The following ATXN2 variants were observed in gnomAD, a reference collection of about 807,000 sequenced individuals.
ATXN2 encodes ataxin-2.
In ATXN2, 37 loss-of-function variants were observed where a neutral mutation model predicts 138.6. The observed-to-expected ratio is 0.27, with a 90% CI of 0.21 to 0.35. The LOEUF (loss-of-function observed/expected upper bound fraction) is 0.35, where lower values mean the gene tolerates loss of function less well. Ranked by LOEUF, ATXN2 falls within the 10% of genes least tolerant of loss-of-function variation. The probability of loss-of-function intolerance (pLI) is 1.00; values close to 1 mark genes in which losing one functional copy is unlikely to be tolerated. For missense variants in ATXN2, 1,216 were observed against 1,480.3 expected, an observed-to-expected ratio of 0.82 and a Z score of 2.93; for synonymous variants, 549 against 543.7, an observed-to-expected ratio of 1.01 and a Z score of -0.13.
At chr12:111,583,751 A>C (rs1025142205) in intron 1 of ATXN2, among the ~76,000 whole-genome samples, 2 of 122,960 alleles carry the variant, frequency 1.6e-5, no homozygotes, top group East Asian at 5.4e-4. Flanking sequence ...TGGGCAACAC[A>C]GCAAGACTCC....
intron 1 of ATXN2, among the ~76,000 whole-genome samples, chr12:111,589,081 G>A (rs12813350): frequency 4.2e-5 from 6 of 143,806 alleles, no homozygotes; most frequent in African/African-American, 1.3e-4. Context: ...TTGGGAGGAC[G>A]AGGCGGGTGG....
chr12:111,566,251 G>A (rs997028697), intron 1 of ATXN2, among the ~76,000 whole-genome samples: 1 of 151,866 alleles, frequency 6.6e-6, no homozygotes, highest in Non-Finnish European at 1.5e-5. Flanking sequence ...TGACCAACAT[G>A]GAGAAACCCC....
intron 1 of ATXN2, among the ~76,000 whole-genome samples, chr12:111,566,771 G>A (rs914153199): frequency 6.6e-6 from 1 of 151,856 alleles, no homozygotes; most frequent in Non-Finnish European, 1.5e-5. Context: ...CAAGTAGCTG[G>A]GATTATAGGC....
chr12:111,484,550 AG>A (rs1270286109), intron 18 of ATXN2, among the ~76,000 whole-genome samples: 4 of 152,058 alleles, frequency 2.6e-5, no homozygotes, highest in Non-Finnish European at 5.9e-5. Flanking sequence ...CTCCTGCCTC[AG>A]CCCCACCTAG....
chr12:111,563,033 G>A (rs1013835410), intron 1 of ATXN2, among the ~76,000 whole-genome samples: 4 of 152,150 alleles, frequency 2.6e-5, no homozygotes, highest in Admixed American at 2.6e-4. Flanking sequence ...ATCATGCAAT[G>A]AGAAAAACAC....
At chr12:111,554,248 G>T in intron 2 of ATXN2, 31 bp from the exon 3 acceptor site, 2 of 1,252,822 alleles carry the variant, frequency 1.6e-6, no homozygotes, top group South Asian at 1.5e-5. Flanking sequence ...AAAACTATTA[G>T]AAATTAGTAC....
intron 1 of ATXN2, among the ~76,000 whole-genome samples, chr12:111,571,464 T>C (rs16941580): frequency 0.022 from 3,418 of 152,026 alleles, 59 homozygotes; most frequent in South Asian, 0.072. Context: ...CATGGAAAAT[T>C]TGGGCTAGAT....
At chr12:111,565,578 C>T (rs1162633542) in intron 1 of ATXN2, among the ~76,000 whole-genome samples, 4 of 152,204 alleles carry the variant, frequency 2.6e-5, no homozygotes, top group South Asian at 4.1e-4. Flanking sequence ...GCACCACAAA[C>T]GGTCCATATA....
chr12:111,586,780 C>A (rs903323987), intron 1 of ATXN2, among the ~76,000 whole-genome samples: 1 of 152,036 alleles, frequency 6.6e-6, no homozygotes, highest in Non-Finnish European at 1.5e-5. Context: ...CTTGGCCTCC[C>A]AAAGTGCTGG....
intron 18 of ATXN2, among the ~76,000 whole-genome samples, chr12:111,473,899 T>A (rs760760621): frequency 6.6e-6 from 1 of 151,786 alleles, no homozygotes; most frequent in Non-Finnish European, 1.5e-5. Flanking sequence ...GGGAAAAAAA[T>A]ACAAGACAAG....
intron 14 of ATXN2, among the ~76,000 whole-genome samples, chr12:111,504,929 A>C (rs1352446240): frequency 6.6e-6 from 1 of 152,228 alleles, no homozygotes; most frequent in African/African-American, 2.4e-5. Context: ...ATCTTGCACA[A>C]GAAAGAATTC....
At chr12:111,515,993 T>C (rs774407652) in intron 10 of ATXN2, among the ~76,000 whole-genome samples, 161 bp downstream of exon 10, 3 of 152,180 alleles carry the variant, frequency 2.0e-5, no homozygotes, top group Non-Finnish European at 4.4e-5. Flanking sequence ...AATTTCTCTC[T>C]AATGAACAAA....
At chr12:111,454,939 T>C (rs1593089524) in intron 23 of ATXN2, 2 of 669,386 alleles carry the variant, frequency 3.0e-6, no homozygotes, top group South Asian at 1.5e-5. Context: ...CCGGCTTCCC[T>C]CCCCACTATC....
Position 111,516,045 on chromosome 12 carries a change from A to G in ATXN2, c.1375+109T>C. On this transcript the variant is annotated intron_variant, in intron 10 of 24. Coordinates refer to ENST00000673436, the MANE Select transcript of ATXN2 (RefSeq NM_001372574.1). The surrounding 1 kb of genome is among the most constrained non-coding windows in gnomAD (Gnocchi z 5.0). ...TTTTAATAAACTAAAGTTAAAACAC[A>G]GAAATTATAGGTTATTAAATAATGA... 9.4e-7 allele frequency: 1 copy of G among 1,061,022 alleles called. No individual in the cohort carries two copies. The highest frequency in any genetic ancestry group is 1.3e-6 in the Non-Finnish European group (1 of 764,268). 65.7% of individuals were successfully genotyped at this position (1,061,022 alleles called of 1,614,324 possible).
intron 1 of ATXN2, among the ~76,000 whole-genome samples, chr12:111,589,863 G>A (rs781061062): frequency 9.2e-5 from 14 of 151,898 alleles, no homozygotes; most frequent in Admixed American, 2.0e-4. Context: ...AGGTTGCAAT[G>A]AGCCATGATG....
chr12:111,564,911 T>C (rs987080670), intron 1 of ATXN2: 2 of 152,176 alleles, frequency 1.3e-5, no homozygotes, highest in African/African-American at 4.8e-5. Flanking sequence ...TTTGTAGAGA[T>C]GGGGTCGCAC....
chr12:111,555,739 T>C (rs1455766708), intron 2 of ATXN2, 144 bp downstream of exon 2: 5 of 637,478 alleles, frequency 7.8e-6, no homozygotes, highest in Non-Finnish European at 1.3e-5. Flanking sequence ...AAAACACATA[T>C]AGGCTAATAA....
At chr12:111,556,095 C>T (rs1203498178) in intron 1 of ATXN2, among the ~76,000 whole-genome samples, 176 bp from the exon 2 acceptor site, 2 of 152,108 alleles carry the variant, frequency 1.3e-5, no homozygotes, top group Non-Finnish European at 2.9e-5. Flanking sequence ...CACTGCTTGC[C>T]TGGAGACCCA....
intron 1 of ATXN2, among the ~76,000 whole-genome samples, chr12:111,559,768 C>T (rs1309644593): frequency 1.5e-5 from 2 of 132,530 alleles, no homozygotes; most frequent in Non-Finnish European, 3.1e-5. Flanking sequence ...GCAAGACTAT[C>T]TCAAAAAACA....
Sources: gnomAD v4.1 joint callset for allele counts (sites outside exome capture counted in the v4.1 genomes callset) on GRCh38, gnomAD v4.1.1 for gene constraint, Gnocchi (gnomAD v3.1) non-coding constraint, MANE v1.5 for transcripts, NCBI Gene and HGNC (gene_info 2026-07-23, HGNC 2026-07-21) for gene names.